Variants in NDRG4 observed in about 807,000 individuals in gnomAD.
The protein encoded by NDRG4 is protein NDRG4.
In NDRG4, 38 loss-of-function variants were observed where a neutral mutation model predicts 55.8. The ratio of observed to expected loss-of-function variants is 0.68; its 90% confidence interval spans 0.53 to 0.89. The LOEUF is 0.89. Among genes scored for constraint, NDRG4 ranks in the 40% least tolerant of loss-of-function variants. The pLI is 0.00. For synonymous variants in NDRG4, 190 were observed against 182.7 expected, an observed-to-expected ratio of 1.04 and a Z score of -0.32; for missense variants, 455 against 468.6, an observed-to-expected ratio of 0.97 and a Z score of 0.27.
At chr16:58,479,967 G>A (rs1427680219) in intron 1 of NDRG4, among the ~76,000 whole-genome samples, 1 of 152,158 alleles carries the variant, frequency 6.6e-6, no homozygotes, top group African/African-American at 2.4e-5. Flanking sequence ...CCCTAGAATG[G>A]GAGTGCTACT....
At position 58,464,283 on chromosome 16, in the gene NDRG4, G is replaced by A; in HGVS notation, c.-24+486G>A. On this transcript the variant is annotated intron_variant, in intron 1 of 15. Coordinates refer to the NDRG4 transcript ENST00000258187. The surrounding 1 kb of genome is among the most constrained non-coding windows in gnomAD (Gnocchi z 4.8). ...GGGGAGCGCGGCGTTGGGGGCGGGAGAGCGCTCCTGGCTGTGAGCTGCTCC... is the reference window on the plus strand; with the variant it reads ...GGGGAGCGCGGCGTTGGGGGCGGGAAAGCGCTCCTGGCTGTGAGCTGCTCC... The A allele has an allele frequency of 1.8e-6, 1 of 563,376 alleles. No individual in the cohort carries two copies. The highest frequency in any genetic ancestry group is 2.7e-6 in the Non-Finnish European group (1 of 368,174). The allele number at this position is 563,376 out of a possible 1,614,324, so 34.9% of individuals were successfully genotyped here. A position where few individuals can be genotyped will look rare whatever the true frequency, so the allele number is the denominator to read the frequency against.
rs1159533696 is a variant in NDRG4, at chr16:58,512,077, C to A, written c.*501C>A. The A allele has an allele frequency of 2.2e-6, 1 of 456,708 alleles. No individual in the cohort carries two copies. The highest frequency in any genetic ancestry group is 2.3e-5 in the Admixed American group (1 of 42,562). 28.3% of individuals were successfully genotyped at this position (456,708 alleles called of 1,614,324 possible). On this transcript the variant is annotated 3_prime_UTR_variant, in exon 15 of 15. Transcript: ENST00000570248. ...GTGACAATCATCTGGACAACAGCCA[C>A]AAGGGGGCGCTCGGACCAGGCAGCC...
chr16:58,499,415 C>T (rs1205045409), upstream of NDRG4: 1 of 152,416 alleles, frequency 6.6e-6, no homozygotes, highest in Non-Finnish European at 1.5e-5. Context: ...CTGACCATAC[C>T]CCTGGCCCTG....
Position 58,487,720 on chromosome 16 carries a change from G to A in NDRG4, c.-23-36G>A, listed in dbSNP as rs548347090. ...TGTCCTTCTCCGCCCGGGCGTCCCC[G>A]CCGCAGCAGGCCTCAACCTCGCCCT... On this transcript the variant is annotated intron_variant, in intron 1 of 15. Transcript: ENST00000258187. The A allele has an allele frequency of 8.8e-5, 128 of 1,451,474 alleles. No homozygotes were observed. In the African/African-American group the frequency reaches 9.7e-4, roughly 11 times the overall value. 89.9% of individuals were successfully genotyped at this position (1,451,474 alleles called of 1,614,324 possible). A position where few individuals can be genotyped will look rare whatever the true frequency, so the allele number is the denominator to read the frequency against.
At chr16:58,481,473 C>T (rs751781870) in intron 1 of NDRG4, among the ~76,000 whole-genome samples, 2 of 151,908 alleles carry the variant, frequency 1.3e-5, no homozygotes, top group African/African-American at 2.4e-5. Context: ...TGTGTGCGCG[C>T]GCATGCAGGG....
chr16:58,480,790 G>A (rs1210602453), intron 1 of NDRG4, among the ~76,000 whole-genome samples: 1 of 152,030 alleles, frequency 6.6e-6, no homozygotes, highest in Non-Finnish European at 1.5e-5. Flanking sequence ...GCATCAGTGG[G>A]TTAGCAAGAT....
intron 1 of NDRG4, chr16:58,500,673 GGGCCATCA>G (rs2036963915): frequency 2.2e-6 from 1 of 448,926 alleles, no homozygotes; most frequent in Non-Finnish European, 3.9e-6. Context: ...GTGATGCCTG[GGGCCATCA>G]GGCCAGGGGG....
At chr16:58,466,991 C>T (rs933986659) in intron 1 of NDRG4, among the ~76,000 whole-genome samples, 14 of 152,152 alleles carry the variant, frequency 9.2e-5, no homozygotes, top group African/African-American at 1.4e-4. Context: ...TGCTTTCCTG[C>T]GTCTGTGAGA....
At chr16:58,472,333 G>T (rs2032976289) in intron 1 of NDRG4, 1 of 152,266 alleles carries the variant, frequency 6.6e-6, no homozygotes, top group Non-Finnish European at 1.5e-5. Flanking sequence ...TGGCCTGGGG[G>T]TGCTTTTCCC....
At chr16:58,481,022 A>T (rs1025930039) in intron 1 of NDRG4, among the ~76,000 whole-genome samples, 3 of 151,772 alleles carry the variant, frequency 2.0e-5, no homozygotes, top group Non-Finnish European at 4.4e-5. Context: ...AAAAAAAAAA[A>T]AAAGATGATA....
intron 1 of NDRG4, 31 bp downstream of exon 1, chr16:58,500,300 G>T (rs2036908936): frequency 6.5e-7 from 1 of 1,535,024 alleles, no homozygotes; most frequent in Non-Finnish European, 8.7e-7. Flanking sequence ...CATCAAGGTG[G>T]GCCGGGAGGA....
intron 2 of NDRG4, among the ~76,000 whole-genome samples, chr16:58,494,691 G>T (rs1030755069): frequency 6.6e-6 from 1 of 152,118 alleles, no homozygotes; most frequent in Non-Finnish European, 1.5e-5. Context: ...GGTGGGCTGG[G>T]TGCGGTGTTT....
intron 2 of NDRG4, among the ~76,000 whole-genome samples, chr16:58,488,984 C>T (rs921110989): frequency 6.6e-6 from 1 of 152,108 alleles, no homozygotes; most frequent in African/African-American, 2.4e-5. Flanking sequence ...TTTGCTTCTG[C>T]CTTCGCTCTG....
intron 1 of NDRG4, among the ~76,000 whole-genome samples, chr16:58,473,416 G>A (rs1389018496): frequency 2.6e-5 from 4 of 152,038 alleles, no homozygotes; most frequent in African/African-American, 9.7e-5. Flanking sequence ...CTCCCACCTT[G>A]GCCTCCCAAA....
In NDRG4 at chr16:58,511,917, A is replaced by G. The variant is rs2038846847; in HGVS notation, c.*341A>G. On this transcript the variant is annotated 3_prime_UTR_variant, in exon 15 of 15. Coordinates refer to ENST00000570248, the MANE Select transcript of NDRG4 (RefSeq NM_001242835.2). ...TGAGCCCTTGGGCAGGCATGTTTGG[A>G]GATGAGAGAGGCTTCGAGAGGGTGG... 4.5e-6 allele frequency: 2 copies of G among 448,528 alleles called. No homozygotes were observed. The highest frequency in any genetic ancestry group is 8.7e-6 in the Non-Finnish European group (2 of 229,888). 27.8% of individuals were successfully genotyped at this position (448,528 alleles called of 1,614,324 possible). A position where few individuals can be genotyped will look rare whatever the true frequency, so the allele number is the denominator to read the frequency against.
intron 1 of NDRG4, among the ~76,000 whole-genome samples, chr16:58,474,877 G>A (rs970714710): frequency 6.6e-6 from 1 of 152,230 alleles, no homozygotes; most frequent in African/African-American, 2.4e-5. Flanking sequence ...GTCAGGTGGG[G>A]ACCAATGCAG....
upstream of NDRG4, among the ~76,000 whole-genome samples, chr16:58,497,284 T>A (rs1356337613): frequency 6.6e-6 from 1 of 151,742 alleles, no homozygotes; most frequent in Non-Finnish European, 1.5e-5. Flanking sequence ...ATTGCACCAT[T>A]GCACTCCAGC....
chr16:58,498,764 C>T (rs1257182278), upstream of NDRG4, among the ~76,000 whole-genome samples: 7 of 152,190 alleles, frequency 4.6e-5, no homozygotes, highest in Non-Finnish European at 1.0e-4. Context: ...CTGTGTGCCT[C>T]TCCAAACTGT....
intron 1 of NDRG4, among the ~76,000 whole-genome samples, chr16:58,480,125 G>C (rs752722379): frequency 6.6e-6 from 1 of 152,036 alleles, no homozygotes; most frequent in Non-Finnish European, 1.5e-5. Context: ...TTTTTTGTTT[G>C]TTTGTTTGTT....
Sources: allele counts gnomAD v4.1 joint callset (sites outside exome capture counted in the v4.1 genomes callset), GRCh38; gene constraint gnomAD v4.1.1; non-coding constraint Gnocchi (gnomAD v3.1); transcripts MANE v1.5; gene names NCBI Gene and HGNC (gene_info 2026-07-23, HGNC 2026-07-21).